The following ARHGEF9 variants were observed in gnomAD, a reference collection of about 807,000 sequenced individuals.
ARHGEF9 encodes rho guanine nucleotide exchange factor 9.
In ARHGEF9, 2 loss-of-function variants were observed where a neutral mutation model predicts 41.3. The ratio of observed to expected loss-of-function variants is 0.05; its 90% CI spans 0.02 to 0.15. The LOEUF (loss-of-function observed/expected upper bound fraction) is 0.15, where lower values mean the gene tolerates loss of function less well. ARHGEF9 is among the 10% of genes least tolerant of loss of function. The pLI, the probability that ARHGEF9 is intolerant of heterozygous loss-of-function variation, is 1.00. For synonymous variants in ARHGEF9, 160 were observed against 154.4 expected (o/e 1.04, Z -0.27); for missense variants, 225 against 424.7 (o/e 0.53, Z 4.13).
At chrX:63,664,204 C>A (rs1347181156) in intron 7 of ARHGEF9, among the ~76,000 whole-genome samples, 2 of 112,495 alleles carry the variant, frequency 1.8e-5, no homozygotes, top group African/African-American at 6.5e-5. Flanking sequence ...ATTACTCCAT[C>A]TTGGTCTTCC....
intron 1 of ARHGEF9, among the ~76,000 whole-genome samples, chrX:63,761,791 G>A (rs781882054): frequency 1.8e-5 from 2 of 111,407 alleles, no homozygotes; most frequent in South Asian, 7.7e-4. Flanking sequence ...AAATACCCAG[G>A]AAACAGCAGT....
intron 8 of ARHGEF9, among the ~76,000 whole-genome samples, chrX:63,648,844 G>A (rs2048319662): frequency 9.0e-6 from 1 of 111,461 alleles, no homozygotes; most frequent in Non-Finnish European, 1.9e-5. Context: ...AAGATCAAAA[G>A]AGACAAAGAA....
intron 1 of ARHGEF9, among the ~76,000 whole-genome samples, chrX:63,725,282 C>A (rs1170686223): frequency 1.8e-5 from 2 of 111,301 alleles, no homozygotes; most frequent in African/African-American, 6.6e-5. Context: ...TGATGCCATC[C>A]AGAGAGGTCA....
chrX:63,778,690 G>A (rs1426137148), intron 1 of ARHGEF9, among the ~76,000 whole-genome samples: 2 of 112,305 alleles, frequency 1.8e-5, no homozygotes, highest in East Asian at 5.6e-4. Flanking sequence ...TCTCTTGAAT[G>A]CTTTGCTGCT....
chrX:63,678,592 G>A lies in ARHGEF9; in HGVS notation c.583-20C>T, dbSNP rs1556365510. 1.8e-6 allele frequency: 2 copies of A among 1,134,920 alleles called. No individual in the cohort carries two copies. Among genetic ancestry groups the A allele is most frequent in the South Asian group, 1.9e-5 (1 of 52,366 alleles). 93.5% of individuals were successfully genotyped at this position (1,134,920 alleles called of 1,213,427 possible). Reference sequence around the variant, plus strand: ...ATCTTGCTGTGGGAAAAGAAAAAAAGGAAAGGAAAAGTCTACCAAGGACCC... The same window carrying A: ...ATCTTGCTGTGGGAAAAGAAAAAAAAGAAAGGAAAAGTCTACCAAGGACCC... On this transcript the variant is annotated intron_variant, in intron 4 of 9. Coordinates refer to ENST00000671741, the MANE Select transcript of ARHGEF9 (RefSeq NM_001353921.2).
intron 1 of ARHGEF9, among the ~76,000 whole-genome samples, chrX:63,750,248 A>C (rs1556439249): frequency 9.0e-6 from 1 of 111,723 alleles, no homozygotes; most frequent in Non-Finnish European, 1.9e-5. Flanking sequence ...CCATCCTTCA[A>C]ACCACCAGAC....
chrX:63,716,540 G>A (rs1221609602), intron 2 of ARHGEF9, among the ~76,000 whole-genome samples: 1 of 111,553 alleles, frequency 9.0e-6, no homozygotes, highest in Non-Finnish European at 1.9e-5. Context: ...GCCATTTGAT[G>A]ATCATCTGTT....
In ARHGEF9 at chrX:63,702,357, G is replaced by C. The variant is rs1569479486; in HGVS notation, c.402+3901C>G. 2.7e-5 allele frequency among the ~76,000 whole-genome samples: 3 copies of C among 112,290 alleles called. No individual in the cohort carries two copies. In the East Asian group the frequency reaches 8.4e-4, roughly 31 times the overall value. ...GCAATATCACCAATTGTTGGTCAAG[G>C]TGATCTAGAACTAAACTGAAGGTAT... On this transcript the variant is annotated intron_variant, in intron 3 of 9. Coordinates refer to ENST00000671741, the MANE Select transcript of ARHGEF9 (RefSeq NM_001353921.2).
At chrX:63,762,089 T>G (rs782404956) in intron 1 of ARHGEF9, among the ~76,000 whole-genome samples, 1 of 111,570 alleles carries the variant, frequency 9.0e-6, no homozygotes, top group South Asian at 3.8e-4. Flanking sequence ...AACCCAGTGT[T>G]TAGTTGTAGA....
At chrX:63,776,239 C>T (rs73526852) in intron 1 of ARHGEF9, among the ~76,000 whole-genome samples, 1 of 111,455 alleles carries the variant, frequency 9.0e-6, no homozygotes, top group African/African-American at 3.3e-5. Flanking sequence ...CAAGGCACTG[C>T]CATGGTAACC....
intron 2 of ARHGEF9, chrX:63,722,772 C>G (rs563961827): frequency 1.8e-5 from 2 of 111,755 alleles, no homozygotes; most frequent in African/African-American, 6.5e-5. Flanking sequence ...CAGCTGTATG[C>G]GTACAGGGCC....
chrX:63,646,440 C>T (rs1377374680), intron 8 of ARHGEF9, among the ~76,000 whole-genome samples: 5 of 112,012 alleles, frequency 4.5e-5, no homozygotes, highest in Non-Finnish European at 7.5e-5. Flanking sequence ...TTTCAGCTTT[C>T]TCCATATGGC....
intron 1 of ARHGEF9, among the ~76,000 whole-genome samples, chrX:63,746,427 G>C (rs1188013216): frequency 4.5e-5 from 5 of 111,206 alleles, no homozygotes; most frequent in Non-Finnish European, 9.4e-5. Flanking sequence ...TTAATTCTCA[G>C]AGTCATGACT....
At chrX:63,752,227 G>T (rs1181694343) in intron 1 of ARHGEF9, among the ~76,000 whole-genome samples, 3 of 95,847 alleles carry the variant, frequency 3.1e-5, no homozygotes, top group African/African-American at 1.2e-4. Flanking sequence ...GTGTCTAGGG[G>T]TCATAAAATC....
chrX:63,772,754 C>T (rs1947799279), intron 1 of ARHGEF9, among the ~76,000 whole-genome samples: 2 of 111,088 alleles, frequency 1.8e-5, no homozygotes, highest in Admixed American at 1.9e-4. Flanking sequence ...GAGCTGGTCC[C>T]TGCCTTACTC....
intron 3 of ARHGEF9, among the ~76,000 whole-genome samples, chrX:63,704,939 G>T (rs1157212216): frequency 8.9e-6 from 1 of 112,275 alleles, no homozygotes; most frequent in Non-Finnish European, 1.9e-5. Flanking sequence ...GATAAAGAAA[G>T]TTCAGGCACA....
At chrX:63,766,930 C>T in intron 1 of ARHGEF9, 1 of 445,552 alleles carries the variant, frequency 2.2e-6, no homozygotes, top group Non-Finnish European at 4.1e-6. Context: ...AAAGGAACTG[C>T]TCACAGAAAG....
At chrX:63,657,794 A>T (rs1260655193) in intron 7 of ARHGEF9, 1 of 112,239 alleles carries the variant, frequency 8.9e-6, no homozygotes, top group Non-Finnish European at 1.9e-5. Context: ...CTATCAGGCT[A>T]ATCTAAGTAC....
chrX:63,751,227 C>T (rs1485727712), intron 1 of ARHGEF9, among the ~76,000 whole-genome samples: 1 of 110,769 alleles, frequency 9.0e-6, no homozygotes, highest in Admixed American at 9.6e-5. Flanking sequence ...GTCCTCTTCT[C>T]TTTTTTACTT....
Sources: allele counts gnomAD v4.1 joint callset (sites outside exome capture counted in the v4.1 genomes callset), GRCh38; gene constraint gnomAD v4.1.1; transcripts MANE v1.5; gene names NCBI Gene and HGNC (gene_info 2026-07-23, HGNC 2026-07-21).